TJP2: variants seen among roughly 807,000 people sequenced by gnomAD.
The protein encoded by TJP2 is Friedreich ataxia region gene X104 (tight junction protein ZO-2).
TJP2 carries 91 observed loss-of-function variants against 133.1 expected under a neutral mutation model. The ratio of observed to expected loss-of-function variants is 0.68; its 90% CI spans 0.58 to 0.81. The LOEUF (loss-of-function observed/expected upper bound fraction) is 0.81. Ranked by LOEUF, TJP2 falls within the 40% of genes least tolerant of loss-of-function variation. TJP2 has a pLI of 0.00. For synonymous variants in TJP2, 592 were observed against 583.4 expected (o/e 1.01, Z -0.21); for missense variants, 1,541 against 1,565.6 (o/e 0.98, Z 0.26).
chr9:69,174,020 C>T (rs1322627101), upstream of TJP2: 1 of 1,029,000 alleles, frequency 9.7e-7, no homozygotes, highest in Non-Finnish European at 1.2e-6. Flanking sequence ...CCTGCCGCCG[C>T]CGCCGCCTCC....
intron 17 of TJP2, 142 bp downstream of exon 17, chr9:69,240,289 G>A: frequency 2.3e-6 from 2 of 860,408 alleles, no homozygotes; most frequent in Admixed American, 2.3e-5. Flanking sequence ...CCTATAAAAT[G>A]GGATATTAGG....
At chr9:69,184,458 C>CT (rs1336677460) in intron 1 of TJP2, among the ~76,000 whole-genome samples, 1 of 152,204 alleles carries the variant, frequency 6.6e-6, no homozygotes, top group African/African-American at 2.4e-5. Flanking sequence ...AGGAATCCAA[C>CT]TTTTGCCTGC....
upstream of TJP2, among the ~76,000 whole-genome samples, chr9:69,173,677 GCAGGCCTCTAGA>G (rs1201837562): frequency 6.6e-6 from 1 of 152,190 alleles, no homozygotes; most frequent in Non-Finnish European, 1.5e-5. Context: ...GGTTAGCCGG[GCAGGCCTCTAGA>G]CAGGACCTAA....
intron 17 of TJP2, among the ~76,000 whole-genome samples, chr9:69,243,667 C>A (rs1207383460): frequency 1.3e-5 from 2 of 152,120 alleles, no homozygotes; most frequent in Non-Finnish European, 2.9e-5. Flanking sequence ...GTGGGGCTAC[C>A]CTTTTATGCT....
intron 1 of TJP2, among the ~76,000 whole-genome samples, chr9:69,199,564 A>G (rs1412534763): frequency 6.6e-6 from 1 of 152,100 alleles, no homozygotes; most frequent in Non-Finnish European, 1.5e-5. Context: ...GCACGTACGC[A>G]CGCACCAGAG....
intron 17 of TJP2, among the ~76,000 whole-genome samples, chr9:69,240,374 T>A (rs905517681): frequency 6.6e-6 from 1 of 152,218 alleles, no homozygotes; most frequent in African/African-American, 2.4e-5. Flanking sequence ...GATGTGGTAA[T>A]AATTAGCTAT....
chr9:69,208,820 A>G (rs903429687), intron 1 of TJP2, among the ~76,000 whole-genome samples: 1 of 151,884 alleles, frequency 6.6e-6, no homozygotes, highest in Non-Finnish European at 1.5e-5. Flanking sequence ...ATGTCATGTA[A>G]TTTTTTTTCC....
intron 2 of TJP2, among the ~76,000 whole-genome samples, chr9:69,154,582 G>A (rs548399711): frequency 6.6e-6 from 1 of 151,232 alleles, no homozygotes; most frequent in Non-Finnish European, 1.5e-5. Flanking sequence ...TTAAGCCCAG[G>A]AGTTCAAGAG....
At chr9:69,218,021 G>A (rs1828522500) in intron 3 of TJP2, among the ~76,000 whole-genome samples, 1 of 152,128 alleles carries the variant, frequency 6.6e-6, no homozygotes, top group Non-Finnish European at 1.5e-5. Context: ...GGGGAGATCA[G>A]GCCTCTCTCT....
intron 11 of TJP2, among the ~76,000 whole-genome samples, chr9:69,232,494 CTTTAA>C (rs1357675784): frequency 1.3e-5 from 2 of 152,092 alleles, no homozygotes; most frequent in African/African-American, 4.8e-5. Flanking sequence ...CCTTTTTTCA[CTTTAA>C]TTTGTTTCAA....
At chr9:69,210,409 A>T (rs1827805106) in intron 1 of TJP2, among the ~76,000 whole-genome samples, 1 of 151,436 alleles carries the variant, frequency 6.6e-6, no homozygotes, top group Non-Finnish European at 1.5e-5. Flanking sequence ...TTGAGTGCCT[A>T]CTCTGTGTGC....
At chr9:69,168,047 AATATCAAG>A (rs1161855334) in intron 2 of TJP2, among the ~76,000 whole-genome samples, 1 of 152,146 alleles carries the variant, frequency 6.6e-6, no homozygotes, top group Admixed American at 6.5e-5. Context: ...CTTTCTACAT[AATATCAAG>A]ATGTGGGAAC....
chr9:69,183,738 T>TA (rs950274974), intron 1 of TJP2, among the ~76,000 whole-genome samples: 2 of 152,046 alleles, frequency 1.3e-5, no homozygotes, highest in Non-Finnish European at 2.9e-5. Flanking sequence ...TATTTTAGAT[T>TA]AAAAAAAATA....
intron 1 of TJP2, among the ~76,000 whole-genome samples, chr9:69,182,999 G>T (rs1825622328): frequency 6.6e-6 from 1 of 150,630 alleles, no homozygotes; most frequent in Non-Finnish European, 1.5e-5. Flanking sequence ...GTTTCTTCAT[G>T]TTGGTCAGGC....
At chr9:69,214,591 G>A (rs894752254) in intron 2 of TJP2, among the ~76,000 whole-genome samples, 10 of 152,164 alleles carry the variant, frequency 6.6e-5, no homozygotes, top group Middle Eastern at 3.4e-3. Flanking sequence ...GTTACGGGCC[G>A]GGCGCAGTAG....
intron 13 of TJP2, 116 bp from the exon 14 acceptor site, chr9:69,236,833 T>C: frequency 3.2e-6 from 4 of 1,247,758 alleles, no homozygotes; most frequent in Non-Finnish European, 4.7e-6. Flanking sequence ...ACTTCTTCAT[T>C]GTCAAGCGGA....
chr9:69,189,862 CT>C lies in TJP2; in HGVS notation c.60+15433del, dbSNP rs1359443136. 3.6e-5 allele frequency among the ~76,000 whole-genome samples: 4 copies of C among 110,438 alleles called. 2 individuals are homozygous for C. Among genetic ancestry groups the C allele is most frequent in the Non-Finnish European group, 4.1e-5 (2 of 49,324 alleles). 72.5% of individuals were successfully genotyped at this position (110,438 alleles called of 152,430 possible). A position where few individuals can be genotyped will look rare whatever the true frequency, so the allele number is the denominator to read the frequency against. On this transcript the variant is annotated intron_variant, in intron 1 of 22. Transcript: ENST00000377245. The stretch of plus-strand genomic sequence containing the variant: ...GTGGCTCATGCCTGTAATCCCAGCA[CT>C]TTGGGAGGCCGAGGTGGACGGATCA...
In TJP2 at chr9:69,236,946, C is replaced by T. The variant is rs1464529110; in HGVS notation, c.1992-3C>T. On this transcript the variant is annotated splice_region_variant and splice_polypyrimidine_tract_variant and intron_variant, in intron 13 of 22. Coordinates refer to ENST00000377245, the MANE Select transcript of TJP2 (RefSeq NM_004817.4). ...AGATTTACTTCCCGTGGTTTCTTCTCAGAGCTGAACAAATGGCCAGTGTTC... is the reference window on the plus strand; with the variant it reads ...AGATTTACTTCCCGTGGTTTCTTCTTAGAGCTGAACAAATGGCCAGTGTTC... 8 of 1,614,172 alleles carry T rather than the reference C, an allele frequency of 5.0e-6. No individual in the cohort carries two copies. The highest frequency in any genetic ancestry group is 6.8e-6 in the Non-Finnish European group (8 of 1,180,018).
intron 1 of TJP2, among the ~76,000 whole-genome samples, chr9:69,186,276 G>A (rs915409356): frequency 6.6e-6 from 1 of 152,164 alleles, no homozygotes; most frequent in African/African-American, 2.4e-5. Context: ...GCTAGAAATG[G>A]AGTGGTCAAG....
Sources: allele counts gnomAD v4.1 joint callset (sites outside exome capture counted in the v4.1 genomes callset), GRCh38; gene constraint gnomAD v4.1.1; transcripts MANE v1.5; gene names NCBI Gene and HGNC (gene_info 2026-07-23, HGNC 2026-07-21).